Variants in UBE2F observed in about 807,000 individuals in gnomAD.
The protein encoded by UBE2F is NEDD8-conjugating enzyme UBE2F.
UBE2F carries 5 observed loss-of-function variants against 29.6 expected under a neutral mutation model. That is an observed-to-expected ratio of 0.17 (90% CI 0.09 to 0.36). The LOEUF (loss-of-function observed/expected upper bound fraction) is 0.36, where lower values mean the gene tolerates loss of function less well. Among genes scored for constraint, UBE2F ranks in the 10% least tolerant of loss-of-function variants. The pLI is 1.00. For missense variants in UBE2F, 141 were observed against 228.5 expected (o/e 0.62, Z 2.47); for synonymous variants, 66 against 81.8 (o/e 0.81, Z 1.04).
intron 7 of UBE2F, 126 bp downstream of exon 7, chr2:238,030,739 C>A (rs2064555026): frequency 1.4e-6 from 1 of 710,756 alleles, no homozygotes; most frequent in South Asian, 1.6e-5. Flanking sequence ...CGGACACACC[C>A]TGCCTCCTCT....
intron 4 of UBE2F, among the ~76,000 whole-genome samples, chr2:238,008,303 T>G (rs1433201170): frequency 6.6e-6 from 1 of 152,220 alleles, no homozygotes; most frequent in Non-Finnish European, 1.5e-5. Flanking sequence ...TGAAGCCACC[T>G]GTCTCTGGAA....
intron 5 of UBE2F, among the ~76,000 whole-genome samples, chr2:238,017,007 G>T (rs899968350): frequency 1.3e-5 from 2 of 152,190 alleles, no homozygotes; most frequent in African/African-American, 4.8e-5. Flanking sequence ...GAATTTCAGA[G>T]AACAGTGACT....
intron 4 of UBE2F, among the ~76,000 whole-genome samples, chr2:238,000,193 G>A (rs2063766791): frequency 6.6e-6 from 1 of 152,118 alleles, no homozygotes; most frequent in Non-Finnish European, 1.5e-5. Flanking sequence ...TACTGATACA[G>A]TAATTTGTGG....
chr2:238,000,965 A>G lies in UBE2F; in HGVS notation c.214+6156A>G, dbSNP rs182278935. On this transcript the variant is annotated intron_variant, in intron 4 of 9. Coordinates refer to ENST00000272930, the MANE Select transcript of UBE2F (RefSeq NM_080678.3). Reference sequence around the variant, plus strand: ...TCTTCTTTGTTCAAGTGAGTCTTCAAATATTTTGCCCATTTAAAAATATGA... The same window carrying G: ...TCTTCTTTGTTCAAGTGAGTCTTCAGATATTTTGCCCATTTAAAAATATGA... Among the ~76,000 whole-genome samples, 403 of 151,914 alleles carry G rather than the reference A, an allele frequency of 2.7e-3. 2 individuals are homozygous for G. The highest frequency in any genetic ancestry group is 3.0e-3 in the Non-Finnish European group (204 of 67,990).
intron 4 of UBE2F, among the ~76,000 whole-genome samples, chr2:238,014,361 T>C (rs1279237967): frequency 6.6e-6 from 1 of 152,116 alleles, no homozygotes; most frequent in Non-Finnish European, 1.5e-5. Flanking sequence ...GAGAAAAAAA[T>C]AAAACAGTCT....
chr2:238,041,444 C>G lies in UBE2F; in HGVS notation c.*106C>G, dbSNP rs983363891. ...CGTCCTCATGCTCCCTCTCAGTCCC[C>G]TGGATTGCCCCAGTCCTGTGACCAT... On this transcript the variant is annotated 3_prime_UTR_variant, in exon 10 of 10. Transcript: ENST00000272930. 48 of 1,148,754 alleles carry G rather than the reference C, an allele frequency of 4.2e-5. No homozygotes were observed. The highest frequency in any genetic ancestry group is 5.8e-5 in the Non-Finnish European group (45 of 771,420). 71.2% of individuals were successfully genotyped at this position (1,148,754 alleles called of 1,614,324 possible). A position where few individuals can be genotyped will look rare whatever the true frequency, so the allele number is the denominator to read the frequency against.
rs780946780 is a variant in UBE2F, at chr2:237,967,127, G to A, written c.-22G>A. ...GGGCCCGCCTCGCCTGTCTCGGGGA[G>A]CCCAGGTGAGGAGCGACCGTGCGGC... On this transcript the variant is annotated 5_prime_UTR_variant, in exon 1 of 10. Transcript: ENST00000272930. This position sits in a 1 kb window ranked among gnomAD's most constrained non-coding sequence, Gnocchi z 6.3. The A allele has an allele frequency of 8.2e-5, 109 of 1,327,420 alleles. No individual in the cohort carries two copies. The African/African-American group carries it at 1.0e-3, about 12-fold the overall frequency. 82.2% of individuals were successfully genotyped at this position (1,327,420 alleles called of 1,614,324 possible).
chr2:238,011,437 A>C (rs575853957), intron 4 of UBE2F, among the ~76,000 whole-genome samples: 10 of 152,118 alleles, frequency 6.6e-5, no homozygotes, highest in Middle Eastern at 6.8e-3. Context: ...TCCTTCTATT[A>C]TATAATTTAT....
intron 3 of UBE2F, among the ~76,000 whole-genome samples, chr2:237,989,785 C>G (rs2063546409): frequency 6.6e-6 from 1 of 152,118 alleles, no homozygotes; most frequent in Non-Finnish European, 1.5e-5. Context: ...AAGTTTTCTT[C>G]AACTCGGAAA....
chr2:238,015,106 A>G (rs1257258150), intron 4 of UBE2F, among the ~76,000 whole-genome samples: 1 of 152,248 alleles, frequency 6.6e-6, no homozygotes, highest in Non-Finnish European at 1.5e-5. Context: ...GAAACCATTA[A>G]ATTACTAGAA....
At chr2:237,999,311 C>G (rs1226772028) in intron 4 of UBE2F, among the ~76,000 whole-genome samples, 2 of 152,110 alleles carry the variant, frequency 1.3e-5, no homozygotes. Context: ...CTCAAGTGAT[C>G]CGCCCACCCT....
chr2:238,024,582 A>T (rs1430731850), intron 5 of UBE2F, among the ~76,000 whole-genome samples: 1 of 152,034 alleles, frequency 6.6e-6, no homozygotes, highest in Non-Finnish European at 1.5e-5. Flanking sequence ...GGCCTCAAGC[A>T]ATCCTCCCAC....
intron 7 of UBE2F, 70 bp downstream of exon 7, chr2:238,030,683 C>A: frequency 3.3e-6 from 4 of 1,197,422 alleles, no homozygotes; most frequent in East Asian, 2.4e-5. Context: ...GCCAGCCTCC[C>A]GAGAAAGCAG....
At chr2:238,023,021 G>C (rs558206327) in intron 5 of UBE2F, among the ~76,000 whole-genome samples, 1 of 152,228 alleles carries the variant, frequency 6.6e-6, no homozygotes, top group Admixed American at 6.5e-5. Flanking sequence ...GCGAATACCC[G>C]CAAGCCTTTG....
intron 4 of UBE2F, among the ~76,000 whole-genome samples, chr2:238,002,634 C>T (rs530210639): frequency 5.6e-4 from 85 of 152,010 alleles, no homozygotes; most frequent in East Asian, 1.6e-3. Flanking sequence ...TTTTTTGAGA[C>T]GGAATCTCAC....
At chr2:237,976,223 A>G (rs927616312) in intron 2 of UBE2F, among the ~76,000 whole-genome samples, 6 of 152,210 alleles carry the variant, frequency 3.9e-5, no homozygotes, top group Admixed American at 6.5e-5. Context: ...CAAGCCAGGA[A>G]AATGGTGTGT....
chr2:238,012,346 C>G (rs11681164), intron 4 of UBE2F, among the ~76,000 whole-genome samples: 2,908 of 152,242 alleles, frequency 0.019, 41 homozygotes, highest in Non-Finnish European at 0.027. Context: ...ACCAGAATCA[C>G]TTTACCAATC....
rs142902824 is a variant in UBE2F, at chr2:238,024,422, T to C, written c.283-920T>C. Among the ~76,000 whole-genome samples the C allele has an allele frequency of 2.4e-3, 361 of 152,306 alleles. 1 individual carries two copies. The highest frequency in any genetic ancestry group is 0.01 in the Admixed American group (157 of 15,294). On this transcript the variant is annotated intron_variant, in intron 5 of 9. Coordinates refer to ENST00000272930, the MANE Select transcript of UBE2F (RefSeq NM_080678.3). ...GTACAATGGTGCGATCATAGCTCAC[T>C]GCAGCCTACAACTTCTGAGCTCAAG...
chr2:238,042,395 T>C lies in UBE2F; in HGVS notation c.*1057T>C, dbSNP rs2064850268. The stretch of plus-strand genomic sequence containing the variant: ...CTGTACCTGTGGCCTTCTTCTGAGT[T>C]TGCTATGGCTCCAGGCCCTGCCGGT... On this transcript the variant is annotated 3_prime_UTR_variant, in exon 10 of 10. Transcript: ENST00000272930. The C allele has an allele frequency of 6.6e-6, 1 of 152,286 alleles. No individual in the cohort carries two copies. The highest frequency in any genetic ancestry group is 2.4e-5 in the African/African-American group (1 of 41,468). The allele number at this position is 152,286 out of a possible 1,614,324, so 9.4% of individuals were successfully genotyped here. A position where few individuals can be genotyped will look rare whatever the true frequency, so the allele number is the denominator to read the frequency against.
Sources: gnomAD v4.1 joint callset for allele counts (sites outside exome capture counted in the v4.1 genomes callset) on GRCh38, gnomAD v4.1.1 for gene constraint, Gnocchi (gnomAD v3.1) non-coding constraint, MANE v1.5 for transcripts, NCBI Gene and HGNC (gene_info 2026-07-23, HGNC 2026-07-21) for gene names.